Variants in AUTS2 observed in about 807,000 individuals in gnomAD.
AUTS2 encodes activator of transcription and developmental regulator AUTS2, also known as autism susceptibility gene 2 protein.
A neutral mutation model predicts 112.4 loss-of-function variants in AUTS2; 17 were observed. The ratio of observed to expected loss-of-function variants is 0.15; its 90% confidence interval spans 0.10 to 0.23. AUTS2 has a LOEUF of 0.23. AUTS2 is among the 10% of genes least tolerant of loss of function. The pLI, the probability that AUTS2 is intolerant of heterozygous loss-of-function variation, is 1.00. For missense variants in AUTS2, 1,510 were observed against 1,701.6 expected, an observed-to-expected ratio of 0.89 and a Z score of 1.98; for synonymous variants, 751 against 702.7, an observed-to-expected ratio of 1.07 and a Z score of -1.09.
intron 1 of AUTS2, among the ~76,000 whole-genome samples, chr7:69,854,407 C>T (rs1792626810): frequency 6.6e-6 from 1 of 152,120 alleles, no homozygotes; most frequent in African/African-American, 2.4e-5. Context: ...TGTACTTCAT[C>T]AACCTGAATT....
At chr7:70,545,765 C>T (rs962344283) in intron 5 of AUTS2, among the ~76,000 whole-genome samples, 3 of 152,154 alleles carry the variant, frequency 2.0e-5, no homozygotes, top group Non-Finnish European at 2.9e-5. Flanking sequence ...ATCTCAGGGT[C>T]TCAGAGCCGT....
chr7:70,780,265 C>T (rs1790981684), intron 14 of AUTS2, among the ~76,000 whole-genome samples: 1 of 152,172 alleles, frequency 6.6e-6, no homozygotes, highest in East Asian at 1.9e-4. Flanking sequence ...GGCCTCCAGC[C>T]TAGAGAAGGA....
intron 16 of AUTS2, chr7:70,785,340 GGAA>G (rs1791377837): frequency 5.3e-6 from 3 of 566,810 alleles, no homozygotes; most frequent in Admixed American, 2.2e-5. Context: ...CCTGCCCATT[GGAA>G]GAAGATGGTG....
chr7:70,217,525 C>G (rs1811232551), intron 4 of AUTS2, among the ~76,000 whole-genome samples: 1 of 152,158 alleles, frequency 6.6e-6, no homozygotes, highest in Non-Finnish European at 1.5e-5. Flanking sequence ...ACTGCAAAGA[C>G]TAAAAAACGA....
intron 14 of AUTS2, chr7:70,781,338 A>C (rs1440168850): frequency 1.5e-5 from 4 of 267,836 alleles, no homozygotes; most frequent in African/African-American, 9.2e-5. Flanking sequence ...TCCAGCCTGG[A>C]AAGCAGAGTG....
chr7:69,600,472 C>T (rs917333829), intron 1 of AUTS2, among the ~76,000 whole-genome samples: 7 of 149,402 alleles, frequency 4.7e-5, no homozygotes, highest in Non-Finnish European at 8.9e-5. Context: ...CCCGGGTGTC[C>T]TCGGGACTGG....
At chr7:70,679,616 A>G in intron 5 of AUTS2, among the ~76,000 whole-genome samples, 1 of 151,408 alleles carries the variant, frequency 6.6e-6, no homozygotes, top group African/African-American at 2.4e-5. Context: ...AAAAAAAAAA[A>G]TCCTGAGAGG....
intron 6 of AUTS2, among the ~76,000 whole-genome samples, chr7:70,752,889 A>G (rs1788956877): frequency 6.6e-6 from 1 of 152,160 alleles, no homozygotes; most frequent in South Asian, 2.1e-4. Flanking sequence ...GGTTGACCCT[A>G]AAAGCTCTTC....
intron 1 of AUTS2, among the ~76,000 whole-genome samples, chr7:69,706,552 A>T (rs929387262): frequency 2.0e-5 from 3 of 152,220 alleles, no homozygotes; most frequent in African/African-American, 7.2e-5. Flanking sequence ...GCAGATGCTT[A>T]TGAAATGTTT....
At chr7:70,547,681 C>A (rs1298082003) in intron 5 of AUTS2, among the ~76,000 whole-genome samples, 1 of 152,134 alleles carries the variant, frequency 6.6e-6, no homozygotes, top group Admixed American at 6.5e-5. Context: ...TATGGATATA[C>A]CACGTTTTGT....
chr7:70,068,770 A>G (rs1439821170), intron 2 of AUTS2, among the ~76,000 whole-genome samples: 3 of 152,242 alleles, frequency 2.0e-5, no homozygotes, highest in African/African-American at 7.2e-5. Flanking sequence ...ATGTTTTCCT[A>G]GCAAAGCAGA....
At chr7:70,761,487 C>G (rs1250908732) in intron 6 of AUTS2, among the ~76,000 whole-genome samples, 1 of 152,212 alleles carries the variant, frequency 6.6e-6, no homozygotes, top group Non-Finnish European at 1.5e-5. Flanking sequence ...TATTCTTTTT[C>G]TCTTTTGAAA....
intron 5 of AUTS2, among the ~76,000 whole-genome samples, chr7:70,580,457 G>GTC (rs1394421297): frequency 6.6e-6 from 1 of 151,948 alleles, no homozygotes; most frequent in African/African-American, 2.4e-5. Flanking sequence ...AAAGAGGGCA[G>GTC]TCTCTAGTAG....
chr7:69,709,480 C>T (rs1798218504), intron 1 of AUTS2, among the ~76,000 whole-genome samples: 1 of 152,128 alleles, frequency 6.6e-6, no homozygotes, highest in Non-Finnish European at 1.5e-5. Context: ...ACTTCTCACC[C>T]TGTGTTGAAA....
At chr7:70,339,268 AT>A (rs1562891423) in intron 4 of AUTS2, among the ~76,000 whole-genome samples, 1 of 152,094 alleles carries the variant, frequency 6.6e-6, no homozygotes, top group African/African-American at 2.4e-5. Context: ...TCTCAAAGCT[AT>A]TTTTAAAATT....
At chr7:69,795,334 A>G (rs1487898127) in intron 1 of AUTS2, among the ~76,000 whole-genome samples, 1 of 152,198 alleles carries the variant, frequency 6.6e-6, no homozygotes, top group African/African-American at 2.4e-5. Flanking sequence ...GGATGTATAC[A>G]CAGTGAGAAG....
intron 2 of AUTS2, among the ~76,000 whole-genome samples, chr7:70,031,208 A>G (rs1200781311): frequency 6.6e-6 from 1 of 152,180 alleles, no homozygotes; most frequent in African/African-American, 2.4e-5. Flanking sequence ...TTTACAGTCT[A>G]TAGAATTGGA....
intron 2 of AUTS2, among the ~76,000 whole-genome samples, chr7:70,003,385 A>T (rs1179906093): frequency 2.4e-5 from 3 of 126,736 alleles, no homozygotes. Context: ...GTGAATATAT[A>T]TAACATATGA....
chr7:70,792,244 GAA>G lies in AUTS2; in HGVS notation c.*1255_*1256del, dbSNP rs544550163. The G allele has an allele frequency of 6.6e-6, 1 of 151,914 alleles. No individual in the cohort carries two copies. Among genetic ancestry groups the G allele is most frequent in the Non-Finnish European group, 1.5e-5 (1 of 67,842 alleles). 9.4% of individuals were successfully genotyped at this position (151,914 alleles called of 1,614,324 possible). On this transcript the variant is annotated 3_prime_UTR_variant, in exon 19 of 19. Transcript: ENST00000342771. ...GCGAGTTAGAGGGTGAAAGATGGCA[GAA>G]AAAAAAGTCTTGTGTGTGAGTGTGT...
Sources: allele counts gnomAD v4.1 joint callset (sites outside exome capture counted in the v4.1 genomes callset), GRCh38; gene constraint gnomAD v4.1.1; transcripts MANE v1.5; gene names NCBI Gene and HGNC (gene_info 2026-07-23, HGNC 2026-07-21).